TMEM143: variants seen among roughly 807,000 people sequenced by gnomAD.
TMEM143 encodes the protein transmembrane protein 143.
In TMEM143, 45 loss-of-function variants were observed where a neutral mutation model predicts 40.3. The ratio of observed to expected loss-of-function variants is 1.12; its 90% CI spans 0.88 to 1.43. TMEM143 has a LOEUF of 1.43. Ranked by LOEUF, TMEM143 falls within the 40% of genes most tolerant of loss-of-function variation. The pLI, the probability that TMEM143 is intolerant of heterozygous loss-of-function variation, is 0.00. For missense variants in TMEM143, 620 were observed against 613.4 expected (o/e 1.01, Z -0.11); for synonymous variants, 299 against 282.7 (o/e 1.06, Z -0.58).
chr19:48,363,261 C>T (rs1164608688), intron 2 of TMEM143, 30 bp downstream of exon 2: 2 of 1,594,896 alleles, frequency 1.3e-6, no homozygotes, highest in Middle Eastern at 1.8e-4. Context: ...GCCGTAGTCC[C>T]CAGGCTCTTG....
At position 48,342,541 on chromosome 19, in the gene TMEM143, G is replaced by T. The variant is rs773613522; in HGVS notation, c.964C>A (p.Arg322=). 2 of 1,606,892 alleles carry T rather than the reference G, an allele frequency of 1.2e-6. No homozygotes were observed. The highest frequency in any genetic ancestry group is 1.7e-5 in the Admixed American group (1 of 59,278). The change falls in exon 6 of 8, where the codon CGG becomes AGG. Residue 322 remains arginine (R), a synonymous_variant. Transcript: ENST00000293261. ...AGGCGCATGCTCACCTTGGAGGCCC[G>T]CAGGCCCATGAAGATGGCGAAGAGC... The part of the protein sequence containing the change: ...LLLFAIFMGL[R]ASKMFGQRRS...
chr19:48,362,430 A>G (rs755612215), intron 2 of TMEM143, among the ~76,000 whole-genome samples: 1 of 152,154 alleles, frequency 6.6e-6, no homozygotes, highest in Non-Finnish European at 1.5e-5. Flanking sequence ...GGGCTGAGGA[A>G]GGAGGATCAC....
chr19:48,348,917 T>C (rs1202414760), intron 3 of TMEM143, among the ~76,000 whole-genome samples: 4 of 152,156 alleles, frequency 2.6e-5, no homozygotes, highest in African/African-American at 7.2e-5. Flanking sequence ...TGCTCATGCC[T>C]GTAATCCCAG....
intron 3 of TMEM143, 47 bp downstream of exon 3, chr19:48,360,025 C>T (rs1970001651): frequency 2.5e-6 from 4 of 1,569,954 alleles, no homozygotes; most frequent in Middle Eastern, 2.0e-4. Context: ...GCTAAATGAG[C>T]GGATGCTCGA....
chr19:48,359,786 C>T lies in TMEM143; in HGVS notation c.369+286G>A, dbSNP rs897433709. On this transcript the variant is annotated intron_variant, in intron 3 of 7. Transcript: ENST00000293261. ...CCTCCCAAAGTGCTGGGATTACAGG[C>T]GTGAGCCACCGCGCCCGACCCATCT... The T allele has an allele frequency of 1.7e-4, 47 of 269,122 alleles. 1 individual carries two copies. Among genetic ancestry groups the T allele is most frequent in the African/African-American group, 9.6e-4 (42 of 43,690 alleles). The allele number at this position is 269,122 out of a possible 1,614,324, so 16.7% of individuals were successfully genotyped here. A position where few individuals can be genotyped will look rare whatever the true frequency, so the allele number is the denominator to read the frequency against.
chr19:48,345,359 G>C lies in TMEM143; in HGVS notation c.370-5C>G. On this transcript the variant is annotated splice_region_variant and splice_polypyrimidine_tract_variant and intron_variant, in intron 3 of 7. Transcript: ENST00000293261. ...GTTGATGGGGTCATATAAGGCCTAAGAGGAGAGTCAGAGAGAAAAAGATGG... is the reference window on the plus strand; with the variant it reads ...GTTGATGGGGTCATATAAGGCCTAACAGGAGAGTCAGAGAGAAAAAGATGG... 6.5e-6 allele frequency: 10 copies of C among 1,529,470 alleles called. No individual in the cohort carries two copies. The highest frequency in any genetic ancestry group is 8.8e-6 in the Non-Finnish European group (10 of 1,141,536). The allele number at this position is 1,529,470 out of a possible 1,614,324, so 94.7% of individuals were successfully genotyped here.
intron 5 of TMEM143, 58 bp from the exon 6 acceptor site, chr19:48,342,867 C>T (rs974907301): frequency 6.5e-7 from 1 of 1,529,042 alleles, no homozygotes; most frequent in African/African-American, 1.4e-5. Flanking sequence ...CGGGGAGCCC[C>T]CTCCAATCCT....
chr19:48,352,257 A>C (rs865905981), intron 3 of TMEM143, among the ~76,000 whole-genome samples: 1 of 144,562 alleles, frequency 6.9e-6, no homozygotes, highest in Non-Finnish European at 1.5e-5. Context: ...AAAAAAAAAA[A>C]AAAAACACCA....
chr19:48,338,511 C>A (rs1969420931), intron 6 of TMEM143, among the ~76,000 whole-genome samples: 1 of 152,242 alleles, frequency 6.6e-6, no homozygotes, highest in African/African-American at 2.4e-5. Context: ...GGCCTCCAGG[C>A]CCAGGCACAA....
Position 48,348,036 on chromosome 19 carries a change from AAAAAG to A in TMEM143, c.370-2687_370-2683del, listed in dbSNP as rs1208749714. ...GCGAGACCCTGTCTCAAAAAAAAAAAAAAAGAAAAAGAGAAAGAGTCAAGCCAAGA... is the reference window on the plus strand; with the variant it reads ...GCGAGACCCTGTCTCAAAAAAAAAAAAAAAAGAGAAAGAGTCAAGCCAAGA... On this transcript the variant is annotated intron_variant, in intron 3 of 7. Transcript: ENST00000293261. Among the ~76,000 whole-genome samples the A allele has an allele frequency of 8.0e-3, 1,174 of 146,136 alleles. 22 individuals are homozygous for A. Among genetic ancestry groups the A allele is most frequent in the African/African-American group, 0.031 (1,117 of 36,400 alleles).
intron 6 of TMEM143, among the ~76,000 whole-genome samples, chr19:48,341,622 G>A (rs1354142628): frequency 2.6e-5 from 4 of 152,132 alleles, no homozygotes; most frequent in Non-Finnish European, 2.9e-5. Flanking sequence ...CACTGTGCAT[G>A]TTAATTCATT....
At chr19:48,351,817 T>G (rs1969780291) in intron 3 of TMEM143, among the ~76,000 whole-genome samples, 1 of 151,636 alleles carries the variant, frequency 6.6e-6, no homozygotes, top group Admixed American at 6.6e-5. Context: ...AAACACCCCC[T>G]CCCTTGCTTT....
Position 48,363,913 on chromosome 19 carries a change from A to G in TMEM143, c.8T>C (p.Val3Ala), listed in dbSNP as rs769903571. 1 of 1,613,684 alleles carries G rather than the reference A, an allele frequency of 6.2e-7. No homozygotes were observed. Residue 3 changes from valine (V) to alanine (A), a missense_variant, in exon 1 of 8, where the codon GTC (valine) becomes GCC (alanine). Transcript: ENST00000293261. MTVELWLRLRGKG... is the reference protein window; with the variant it reads MTAELWLRLRGKG... ...TCTCCCTCACCTTAGCCAAAGCTCG[A>G]CTGTCATTGAGCCTCCTGCGCATGT... is the stretch of plus-strand genomic sequence containing the variant.
chr19:48,333,273 C>G lies in TMEM143; in HGVS notation c.1326G>C (p.Val442=). The G allele has an allele frequency of 6.5e-7, 1 of 1,548,418 alleles. No individual in the cohort carries two copies. The change falls in exon 8 of 8, where the codon GTG becomes GTC. Residue 442 remains valine, a synonymous_variant. Coordinates refer to ENST00000293261, the MANE Select transcript of TMEM143 (RefSeq NM_018273.4). The surrounding 1 kb of genome is among the most constrained non-coding windows in gnomAD (Gnocchi z 4.1). ...GCGGGGGCTCGGAAGTGATCGGAGC[C>G]ACTGGGTCTAGTTTGGGGAAACCCG... ...PPPGFPKLDP[V]APITSEPPQA...
intron 2 of TMEM143, 72 bp downstream of exon 2, chr19:48,363,219 C>T: frequency 2.0e-6 from 3 of 1,536,160 alleles, no homozygotes; most frequent in Non-Finnish European, 2.6e-6. Flanking sequence ...TCTGCAGCAA[C>T]TAGGGCCCTG....
chr19:48,345,266 A>G lies in TMEM143; in HGVS notation c.458T>C (p.Val153Ala), dbSNP rs765957824. 1 of 1,612,306 alleles carries G rather than the reference A, an allele frequency of 6.2e-7. No individual in the cohort carries two copies. Among genetic ancestry groups the G allele is most frequent in the South Asian group, 1.1e-5 (1 of 90,954 alleles). Residue 153 changes from valine to alanine, a missense_variant, in exon 4 of 8, where the codon GTG becomes GCG. Coordinates refer to ENST00000293261, the MANE Select transcript of TMEM143 (RefSeq NM_018273.4). ...DPQRLSNEQE[V>A]LRALEPLLAQ... ...CAGCAGGGGCTCCAGAGCCCGAAGCACCTCCTGCTCATTAGACAGACGCTG... is the reference window on the plus strand; with the variant it reads ...CAGCAGGGGCTCCAGAGCCCGAAGCGCCTCCTGCTCATTAGACAGACGCTG...
chr19:48,352,262 A>AAAACAAAAAAAAAAAAAAAAAAAAC (rs74518287), intron 3 of TMEM143, among the ~76,000 whole-genome samples: 1 of 145,062 alleles, frequency 6.9e-6, no homozygotes, highest in Non-Finnish European at 1.5e-5. Flanking sequence ...AAAAAAAAAA[A>AAAACAAAAAAAAAAAAAAAAAAAAC]CACCATATCT....
At chr19:48,354,100 A>C (rs1389535848) in intron 3 of TMEM143, among the ~76,000 whole-genome samples, 1 of 151,126 alleles carries the variant, frequency 6.6e-6, no homozygotes, top group East Asian at 1.9e-4. Flanking sequence ...CTGGGATCAC[A>C]GGCATGTGCC....
At chr19:48,342,923 G>T in intron 5 of TMEM143, 114 bp from the exon 6 acceptor site, 1 of 1,283,398 alleles carries the variant, frequency 7.8e-7, no homozygotes, top group Non-Finnish European at 1.1e-6. Context: ...TCTTAAAAGC[G>T]ACTCAGTAAT....
Sources: gnomAD v4.1 joint callset for allele counts (sites outside exome capture counted in the v4.1 genomes callset) on GRCh38, gnomAD v4.1.1 for gene constraint, Gnocchi (gnomAD v3.1) non-coding constraint, MANE v1.5 for transcripts, NCBI Gene and HGNC (gene_info 2026-07-23, HGNC 2026-07-21) for gene names.